The following USP32 variants were observed in gnomAD, a reference collection of about 807,000 sequenced individuals.
The protein encoded by USP32 is ubiquitin specific peptidase 32.
Under a neutral mutation model 204.8 loss-of-function variants are expected in USP32, and 59 were observed. The observed-to-expected ratio is 0.29, with a 90% confidence interval of 0.23 to 0.36. The LOEUF (loss-of-function observed/expected upper bound fraction) is 0.36, where lower values mean the gene tolerates loss of function less well. USP32 is among the 10% of genes least tolerant of loss of function. The pLI, the probability that USP32 is intolerant of heterozygous loss-of-function variation, is 1.00. For missense variants in USP32, 1,160 were observed against 1,946.4 expected, an observed-to-expected ratio of 0.60 and a Z score of 7.60; for synonymous variants, 517 against 678.4, an observed-to-expected ratio of 0.76 and a Z score of 3.70.
chr17:60,400,655 A>T (rs1447490626), intron 1 of USP32, among the ~76,000 whole-genome samples: 1 of 152,176 alleles, frequency 6.6e-6, no homozygotes, highest in African/African-American at 2.4e-5. Context: ...TTAGATATTT[A>T]ACTCTGAAGT....
chr17:60,343,625 C>T (rs1350282416), intron 2 of USP32, among the ~76,000 whole-genome samples: 2 of 152,098 alleles, frequency 1.3e-5, no homozygotes, highest in Admixed American at 1.3e-4. Context: ...CACAACATAC[C>T]AGAATCTCTG....
chr17:60,189,105 T>C (rs757622191), intron 29 of USP32, among the ~76,000 whole-genome samples: 1 of 152,282 alleles, frequency 6.6e-6, no homozygotes, highest in Non-Finnish European at 1.5e-5. Flanking sequence ...GATTTTGTGC[T>C]GACAAAGATT....
At chr17:60,212,394 G>T (rs2084994695) in intron 18 of USP32, among the ~76,000 whole-genome samples, 1 of 152,150 alleles carries the variant, frequency 6.6e-6, no homozygotes, top group Non-Finnish European at 1.5e-5. Flanking sequence ...AATACTGTAG[G>T]CAAGTGTAAC....
At chr17:60,294,591 A>G (rs191001888) in intron 4 of USP32, 92 bp downstream of exon 4, 2 of 729,300 alleles carry the variant, frequency 2.7e-6, no homozygotes, top group East Asian at 5.5e-5. Context: ...TCTGCACATA[A>G]ACATCTGTTT....
chr17:60,334,565 G>A (rs904981766), intron 2 of USP32, among the ~76,000 whole-genome samples: 19 of 148,412 alleles, frequency 1.3e-4, no homozygotes, highest in African/African-American at 4.7e-4. Context: ...GGTTGCAGGC[G>A]CCTGTAGTCC....
At chr17:60,295,071 T>A (rs1409029832) in intron 3 of USP32, among the ~76,000 whole-genome samples, 1 of 152,152 alleles carries the variant, frequency 6.6e-6, no homozygotes, top group Non-Finnish European at 1.5e-5. Context: ...TCTTATACAC[T>A]GTTAATAGGA....
intron 1 of USP32, among the ~76,000 whole-genome samples, chr17:60,375,155 G>A (rs983872530): frequency 4.6e-5 from 7 of 152,048 alleles, no homozygotes; most frequent in Non-Finnish European, 7.4e-5. Context: ...TGATATTCCT[G>A]TTTGTCTTTG....
At chr17:60,386,432 C>G (rs2089732792) in intron 1 of USP32, among the ~76,000 whole-genome samples, 1 of 151,794 alleles carries the variant, frequency 6.6e-6, no homozygotes, top group Admixed American at 6.6e-5. Flanking sequence ...AATTCAAACT[C>G]TCAGCATTAC....
intron 15 of USP32, among the ~76,000 whole-genome samples, chr17:60,221,223 G>A (rs2085238484): frequency 6.6e-6 from 1 of 152,048 alleles, no homozygotes; most frequent in Non-Finnish European, 1.5e-5. Context: ...GCAAGATTCT[G>A]TCTCTTAAAA....
In USP32 at chr17:60,412,657, T is replaced by C. The variant is rs531592602; in HGVS notation, c.106+9589A>G. On this transcript the variant is annotated intron_variant, in intron 1 of 3. Coordinates refer to the USP32 transcript ENST00000588898. ...TATTAGTCCCCAGTCTCACCAAATCTGGGCCTGAAGGGAGGGAGTGGGGTA... is the reference window on the plus strand; with the variant it reads ...TATTAGTCCCCAGTCTCACCAAATCCGGGCCTGAAGGGAGGGAGTGGGGTA... 2.6e-5 allele frequency among the ~76,000 whole-genome samples: 4 copies of C among 152,192 alleles called. No homozygotes were observed. In the East Asian group the frequency reaches 7.7e-4, roughly 29 times the overall value.
chr17:60,411,882 T>C (rs997353782), intron 1 of USP32, among the ~76,000 whole-genome samples: 1 of 152,202 alleles, frequency 6.6e-6, no homozygotes, highest in African/African-American at 2.4e-5. Context: ...TATCCATTCA[T>C]CTATTGATGG....
chr17:60,365,543 A>C (rs1330922927), intron 1 of USP32, among the ~76,000 whole-genome samples: 1 of 150,850 alleles, frequency 6.6e-6, no homozygotes, highest in Non-Finnish European at 1.5e-5. Context: ...AGTTGAATTT[A>C]ACTTTCAAGG....
chr17:60,381,131 C>CATTTATTACGTCAACATTTTAAT (rs1389067834), intron 1 of USP32, among the ~76,000 whole-genome samples: 1 of 152,162 alleles, frequency 6.6e-6, no homozygotes, highest in East Asian at 1.9e-4. Context: ...TAGGTAGTCC[C>CATTTATTACGTCAACATTTTAAT]ATTTATTACG....
upstream of USP32, among the ~76,000 whole-genome samples, chr17:60,393,872 C>T (rs1360197301): frequency 2.0e-5 from 3 of 152,022 alleles, no homozygotes; most frequent in East Asian, 5.8e-4. Flanking sequence ...TCAGTAGAGA[C>T]AGGGTTTCTC....
intron 2 of USP32, among the ~76,000 whole-genome samples, chr17:60,336,428 T>TG (rs1011377797): frequency 2.1e-5 from 3 of 142,932 alleles, no homozygotes; most frequent in Non-Finnish European, 4.4e-5. Context: ...CAAAAAGAAA[T>TG]GAATTGGCCG....
intron 29 of USP32, among the ~76,000 whole-genome samples, chr17:60,186,727 G>A (rs906949961): frequency 3.9e-5 from 6 of 152,186 alleles, no homozygotes; most frequent in East Asian, 1.9e-4. Flanking sequence ...AAGAATGGGC[G>A]GGGTGCAGGG....
chr17:60,357,425 C>T (rs2089105820), intron 1 of USP32, among the ~76,000 whole-genome samples: 1 of 152,068 alleles, frequency 6.6e-6, no homozygotes, highest in African/African-American at 2.4e-5. Flanking sequence ...TGCACTCCAG[C>T]CTGGGCAACA....
intron 17 of USP32, among the ~76,000 whole-genome samples, chr17:60,214,195 G>C (rs2085045246): frequency 6.6e-6 from 1 of 152,110 alleles, no homozygotes; most frequent in Admixed American, 6.5e-5. Flanking sequence ...AGCCACCTCG[G>C]CCTCCCAAAG....
chr17:60,273,889 G>C (rs1367588143), intron 5 of USP32, among the ~76,000 whole-genome samples: 1 of 147,708 alleles, frequency 6.8e-6, no homozygotes, highest in East Asian at 2.0e-4. Flanking sequence ...GAACCTAGGA[G>C]GTGGAGGCTG....
Sources: allele counts gnomAD v4.1 joint callset (sites outside exome capture counted in the v4.1 genomes callset), GRCh38; gene constraint gnomAD v4.1.1; transcripts MANE v1.5; gene names NCBI Gene and HGNC (gene_info 2026-07-23, HGNC 2026-07-21).